SYT13: variants seen among roughly 807,000 people sequenced by gnomAD.
SYT13 encodes the protein synaptotagmin 13, also known as synaptotagmin-13.
A neutral mutation model predicts 38.6 loss-of-function variants in SYT13; 21 were observed. The ratio of observed to expected loss-of-function variants is 0.54; its 90% CI spans 0.39 to 0.78. SYT13 has a LOEUF of 0.78. Among genes scored for constraint, SYT13 ranks in the 30% least tolerant of loss-of-function variants. The pLI, the probability that SYT13 is intolerant of heterozygous loss-of-function variation, is 0.00. For missense variants in SYT13, 495 were observed against 548.7 expected (o/e 0.90, Z 0.98); for synonymous variants, 241 against 237.6 (o/e 1.01, Z -0.13).
At chr11:45,269,341 AAAAC>A (rs546454223) in intron 1 of SYT13, 12,019 of 819,254 alleles carry the variant, frequency 0.015, 169 homozygotes, top group Non-Finnish European at 0.017. Context: ...ACAAAAAAAC[AAAAC>A]AAACAAACAA....
chr11:45,282,348 T>C (rs1467890325), intron 1 of SYT13, among the ~76,000 whole-genome samples: 1 of 151,944 alleles, frequency 6.6e-6, no homozygotes, highest in Non-Finnish European at 1.5e-5. Context: ...GGGTCCAGAG[T>C]GTATATTTCA....
intron 4 of SYT13, among the ~76,000 whole-genome samples, chr11:45,246,962 C>T (rs1257328146): frequency 6.6e-6 from 1 of 152,152 alleles, no homozygotes; most frequent in Admixed American, 6.5e-5. Context: ...AATTGTAATT[C>T]ATTACTATGT....
chr11:45,269,216 G>C (rs1182631221), intron 1 of SYT13, among the ~76,000 whole-genome samples: 1 of 152,170 alleles, frequency 6.6e-6, no homozygotes, highest in Non-Finnish European at 1.5e-5. Flanking sequence ...CCAGAGTACA[G>C]TCAGTCCGCA....
chr11:45,264,424 C>G (rs1854857023), intron 1 of SYT13, among the ~76,000 whole-genome samples: 1 of 152,208 alleles, frequency 6.6e-6, no homozygotes, highest in Non-Finnish European at 1.5e-5. Flanking sequence ...CTCACCCACT[C>G]CCTCTGATAA....
intron 1 of SYT13, among the ~76,000 whole-genome samples, chr11:45,271,499 C>T (rs1854948914): frequency 6.6e-6 from 1 of 152,036 alleles, no homozygotes; most frequent in Non-Finnish European, 1.5e-5. Flanking sequence ...CATGGTGAGT[C>T]AGCTGGAGAG....
At position 45,252,592 on chromosome 11, in the gene SYT13, C is replaced by G. The variant is rs1242565955; in HGVS notation, c.675G>C (p.Leu225=). 1.2e-6 allele frequency: 2 copies of G among 1,614,042 alleles called. No homozygotes were observed. The highest frequency in any genetic ancestry group is 1.3e-5 in the African/African-American group (1 of 74,940). The part of the protein sequence containing the change: ...RQLHTTWEEG[L]VLPLAEEELP... ...GCTCCTCCTCCGCCAGGGGGAGCACCAGGCCCTCCTCCCAGGTGGTGTGCA... is the reference window on the plus strand; with the variant it reads ...GCTCCTCCTCCGCCAGGGGGAGCACGAGGCCCTCCTCCCAGGTGGTGTGCA... The change falls in exon 4 of 6, where the codon CTG becomes CTC. Residue 225 remains leucine, a synonymous_variant. Transcript: ENST00000020926. The surrounding 1 kb of genome is among the most constrained non-coding windows in gnomAD (Gnocchi z 4.3).
chr11:45,257,284 G>A (rs1019616738), intron 1 of SYT13, among the ~76,000 whole-genome samples: 3 of 152,112 alleles, frequency 2.0e-5, no homozygotes, highest in African/African-American at 7.2e-5. Context: ...GGTAGCAATA[G>A]GAGCCTTCCT....
At chr11:45,278,329 T>A (rs2135910557) in intron 1 of SYT13, among the ~76,000 whole-genome samples, 1 of 152,230 alleles carries the variant, frequency 6.6e-6, no homozygotes, top group South Asian at 2.1e-4. Context: ...AGATTGTAGG[T>A]CAGTGTGGAC....
chr11:45,284,640 C>G (rs1004993177), intron 1 of SYT13, among the ~76,000 whole-genome samples: 1 of 152,006 alleles, frequency 6.6e-6, no homozygotes, highest in Non-Finnish European at 1.5e-5. Flanking sequence ...CCCAGTGGTT[C>G]TCTCTAGGAA....
At chr11:45,280,961 G>A (rs185703030) in intron 1 of SYT13, among the ~76,000 whole-genome samples, 229 of 152,342 alleles carry the variant, frequency 1.5e-3, no homozygotes, top group African/African-American at 5.4e-3. Context: ...TTGAGAGACC[G>A]AGATGGGCGG....
chr11:45,241,716 G>C lies in SYT13; in HGVS notation c.*2336C>G, dbSNP rs951782687. The C allele has an allele frequency of 6.6e-6, 1 of 152,174 alleles. No homozygotes were observed. The highest frequency in any genetic ancestry group is 2.4e-5 in the African/African-American group (1 of 41,438). The allele number at this position is 152,174 out of a possible 1,614,324, so 9.4% of individuals were successfully genotyped here. ...AATCCAAATTTTCTAGATTGGAGTAGTAGATGTTACCAAGAAGAGAATGCT... is the reference window on the plus strand; with the variant it reads ...AATCCAAATTTTCTAGATTGGAGTACTAGATGTTACCAAGAAGAGAATGCT... On this transcript the variant is annotated 3_prime_UTR_variant, in exon 6 of 6. Coordinates refer to ENST00000020926, the MANE Select transcript of SYT13 (RefSeq NM_020826.3).
chr11:45,286,243 C>T lies in SYT13; in HGVS notation c.-36G>A. 1 of 1,499,552 alleles carries T rather than the reference C, an allele frequency of 6.7e-7. No homozygotes were observed. Among genetic ancestry groups the T allele is most frequent in the East Asian group, 2.5e-5 (1 of 39,838 alleles). 92.9% of individuals were successfully genotyped at this position (1,499,552 alleles called of 1,614,324 possible). On this transcript the variant is annotated 5_prime_UTR_variant, in exon 1 of 6. Coordinates refer to ENST00000020926, the MANE Select transcript of SYT13 (RefSeq NM_020826.3). ...CCCGGCGAGGGGCTGGGTCCCGCAG[C>T]CGCTCACCTTCCCCGGGCCGGGCCC...
chr11:45,245,167 A>G (rs370238165), intron 5 of SYT13, among the ~76,000 whole-genome samples: 2 of 152,342 alleles, frequency 1.3e-5, no homozygotes, highest in East Asian at 1.9e-4. Context: ...CCCCAAACCC[A>G]GGGCACTGCA....
chr11:45,246,332 A>C (rs1418367683), intron 5 of SYT13, 51 bp downstream of exon 5: 3 of 1,600,230 alleles, frequency 1.9e-6, no homozygotes, highest in Non-Finnish European at 2.6e-6. Context: ...CCCTCAGCAC[A>C]CACTCCCGGT....
In SYT13 at chr11:45,243,587, G is replaced by GC. The variant is rs1291515608; in HGVS notation, c.*464dup. Reference sequence around the variant, plus strand: ...AAAGTTTGAGAACTGCCGGGTGACTGCCCTGCATGGTGAGCTTGATTGAAC... The same window carrying GC: ...AAAGTTTGAGAACTGCCGGGTGACTGCCCCTGCATGGTGAGCTTGATTGAAC... On this transcript the variant is annotated 3_prime_UTR_variant, in exon 6 of 6. Coordinates refer to ENST00000020926, the MANE Select transcript of SYT13 (RefSeq NM_020826.3). 1 of 154,504 alleles carries GC rather than the reference G, an allele frequency of 6.5e-6. No individual in the cohort carries two copies. Among genetic ancestry groups the GC allele is most frequent in the Non-Finnish European group, 1.4e-5 (1 of 69,670 alleles). The allele number at this position is 154,504 out of a possible 1,614,324, so 9.6% of individuals were successfully genotyped here.
At position 45,244,320 on chromosome 11, in the gene SYT13, C is replaced by T. The variant is rs377635830; in HGVS notation, c.1013G>A (p.Arg338Gln). 87 of 1,613,832 alleles carry T rather than the reference C, an allele frequency of 5.4e-5. 1 individual carries two copies. Among genetic ancestry groups the T allele is most frequent in the African/African-American group, 1.1e-4 (8 of 75,028 alleles). Residue 338 changes from arginine (R) to glutamine (Q), a missense_variant, in exon 6 of 6, where the codon CGG (arginine) becomes CAG (glutamine). By Grantham distance (43) the Arg-to-Gln change is conservative. Coordinates refer to ENST00000020926, the MANE Select transcript of SYT13 (RefSeq NM_020826.3). ...TTTAGTCTGCTTCTTCTTCAGCTTC[C>T]GAGCCTGGTGCTTCAAGGTCACCTT... ...SVKVTLKHQA[R>Q]KLKKKQTKRA... is the part of the protein sequence containing the mutation.
At position 45,243,574 on chromosome 11, in the gene SYT13, C is replaced by T. The variant is rs926501382; in HGVS notation, c.*478G>A. The T allele has an allele frequency of 2.0e-5, 3 of 153,456 alleles. No individual in the cohort carries two copies. The highest frequency in any genetic ancestry group is 4.4e-5 in the Non-Finnish European group (3 of 68,950). 9.5% of individuals were successfully genotyped at this position (153,456 alleles called of 1,614,324 possible). A position where few individuals can be genotyped will look rare whatever the true frequency, so the allele number is the denominator to read the frequency against. On this transcript the variant is annotated 3_prime_UTR_variant, in exon 6 of 6. Transcript: ENST00000020926. ...CTCTTCACATGCTAAAGTTTGAGAA[C>T]TGCCGGGTGACTGCCCTGCATGGTG...
rs569548027 is a variant in SYT13 at position 45,240,882 on chromosome 11, C to T, written c.*3170G>A. On this transcript the variant is annotated 3_prime_UTR_variant, in exon 6 of 6. Coordinates refer to ENST00000020926, the MANE Select transcript of SYT13 (RefSeq NM_020826.3). ...CTGGCATCACACAAGGTGTTCCTTT[C>T]GAAAATGATGAGATACTTCACACAG... The T allele has an allele frequency of 2.6e-5, 4 of 152,282 alleles. No homozygotes were observed. The highest frequency in any genetic ancestry group is 2.1e-4 in the South Asian group (1 of 4,816). The allele number at this position is 152,282 out of a possible 1,614,324, so 9.4% of individuals were successfully genotyped here.
chr11:45,246,618 C>A, intron 4 of SYT13, 106 bp from the exon 5 acceptor site: 1 of 1,466,392 alleles, frequency 6.8e-7, no homozygotes, highest in South Asian at 1.4e-5. Context: ...ATCCAACACG[C>A]ATCCTTGAAA....
Sources: allele counts gnomAD v4.1 joint callset (sites outside exome capture counted in the v4.1 genomes callset), GRCh38; gene constraint gnomAD v4.1.1; non-coding constraint Gnocchi (gnomAD v3.1); transcripts MANE v1.5; gene names NCBI Gene and HGNC (gene_info 2026-07-23, HGNC 2026-07-21).